Variants in GBE1 observed in about 807,000 individuals in gnomAD.
The protein encoded by GBE1 is 1,4-alpha-glucan branching enzyme 1, also known as 1,4-alpha-glucan-branching enzyme.
A neutral mutation model predicts 88.8 loss-of-function variants in GBE1; 70 were observed. The ratio of observed to expected loss-of-function variants is 0.79; its 90% CI spans 0.65 to 0.96. The LOEUF (loss-of-function observed/expected upper bound fraction) is 0.96, where lower values mean the gene tolerates loss of function less well. GBE1 is among the 40% of genes least tolerant of loss of function. The pLI is 0.00. For synonymous variants in GBE1, 284 were observed against 300.1 expected, an observed-to-expected ratio of 0.95 and a Z score of 0.56; for missense variants, 872 against 871.0, an observed-to-expected ratio of 1.00 and a Z score of -0.01.
At chr3:81,509,898 T>C (rs1702702323) in intron 14 of GBE1, among the ~76,000 whole-genome samples, 2 of 152,010 alleles carry the variant, frequency 1.3e-5, no homozygotes, top group African/African-American at 2.4e-5. Flanking sequence ...ATATTTATAA[T>C]ATAAAAATCC....
At chr3:81,577,082 G>A (rs1262259903) in intron 12 of GBE1, among the ~76,000 whole-genome samples, 2 of 151,880 alleles carry the variant, frequency 1.3e-5, no homozygotes, top group Non-Finnish European at 2.9e-5. Flanking sequence ...TAGGGTACAG[G>A]CACGCACCAC....
At chr3:81,601,487 G>A (rs1045702388) in intron 7 of GBE1, among the ~76,000 whole-genome samples, 12 of 151,958 alleles carry the variant, frequency 7.9e-5, no homozygotes, top group African/African-American at 2.7e-4. Context: ...TTTAATATGT[G>A]GTCATACTAG....
At chr3:81,708,440 C>G (rs1325739889) in intron 1 of GBE1, among the ~76,000 whole-genome samples, 1 of 152,032 alleles carries the variant, frequency 6.6e-6, no homozygotes, top group African/African-American at 2.4e-5. Context: ...TGATCAAACT[C>G]ATATATAACT....
At chr3:81,612,675 T>C in intron 7 of GBE1, 3 of 541,324 alleles carry the variant, frequency 5.5e-6, no homozygotes, top group South Asian at 4.4e-5. Flanking sequence ...TCACATTAAG[T>C]CTATTTCATT....
At chr3:81,685,207 G>A (rs899224728) in intron 2 of GBE1, among the ~76,000 whole-genome samples, 7 of 152,000 alleles carry the variant, frequency 4.6e-5, no homozygotes, top group East Asian at 1.9e-4. Flanking sequence ...CAGAGAAAAC[G>A]GGAGCCAGCA....
At chr3:81,686,582 C>A (rs12637814) in intron 2 of GBE1, among the ~76,000 whole-genome samples, 46,097 of 151,742 alleles carry the variant, frequency 0.3, 7,155 homozygotes, top group East Asian at 0.45. Context: ...CACGGAGAAA[C>A]CCCATCTCTC....
At chr3:81,651,969 C>G (rs1211131829) in intron 3 of GBE1, among the ~76,000 whole-genome samples, 1 of 152,320 alleles carries the variant, frequency 6.6e-6, no homozygotes. Context: ...TTGAAAGGAA[C>G]AATACCTGCA....
chr3:81,708,115 T>C (rs1295076299), intron 1 of GBE1, among the ~76,000 whole-genome samples: 1 of 152,008 alleles, frequency 6.6e-6, no homozygotes, highest in Non-Finnish European at 1.5e-5. Flanking sequence ...ACTGAGTATG[T>C]AAAACTAGGT....
chr3:81,512,998 G>C lies in GBE1; in HGVS notation c.1935-13771C>G, dbSNP rs180782114. Among the ~76,000 whole-genome samples the C allele has an allele frequency of 2.6e-5, 4 of 151,658 alleles. No individual in the cohort carries two copies. The East Asian group carries it at 7.8e-4, about 29-fold the overall frequency. ...GAATGGGCTGAGCTAGGTTATACTA[G>C]AGTTTTTCAGTTTCAAAAATTTATA... On this transcript the variant is annotated intron_variant, in intron 14 of 15. Coordinates refer to ENST00000429644, the MANE Select transcript of GBE1 (RefSeq NM_000158.4).
At chr3:81,717,666 TC>T (rs1705958482) in intron 1 of GBE1, among the ~76,000 whole-genome samples, 1 of 152,120 alleles carries the variant, frequency 6.6e-6, no homozygotes, top group African/African-American at 2.4e-5. Context: ...AAGATGAATA[TC>T]CAAAGTTTTA....
chr3:81,558,707 G>A (rs1182705997), intron 12 of GBE1, among the ~76,000 whole-genome samples: 1 of 152,066 alleles, frequency 6.6e-6, no homozygotes. Flanking sequence ...TATATTAAAT[G>A]TTAATGTGTA....
intron 2 of GBE1, among the ~76,000 whole-genome samples, chr3:81,703,605 T>C (rs979659683): frequency 6.6e-5 from 10 of 152,176 alleles, no homozygotes; most frequent in African/African-American, 2.4e-4. Flanking sequence ...CTCTTAATTT[T>C]GTTTGGAAAA....
intron 7 of GBE1, among the ~76,000 whole-genome samples, chr3:81,621,918 C>T (rs1237638892): frequency 6.6e-6 from 1 of 152,138 alleles, no homozygotes; most frequent in Non-Finnish European, 1.5e-5. Context: ...ATCAAATCTA[C>T]CTCTTTCCCT....
At chr3:81,641,245 C>A (rs566582131) in intron 7 of GBE1, among the ~76,000 whole-genome samples, 5 of 151,958 alleles carry the variant, frequency 3.3e-5, no homozygotes, top group Admixed American at 2.6e-4. Context: ...AGAGTCAACC[C>A]TCCTTCATCC....
chr3:81,717,189 A>G (rs1414869018), intron 1 of GBE1, among the ~76,000 whole-genome samples: 2 of 152,168 alleles, frequency 1.3e-5, no homozygotes, highest in Non-Finnish European at 2.9e-5. Context: ...GTCTTAGTCT[A>G]CTGATTTCTA....
chr3:81,567,565 C>T (rs1559647414), intron 12 of GBE1, among the ~76,000 whole-genome samples: 2 of 152,212 alleles, frequency 1.3e-5, no homozygotes, highest in Admixed American at 1.3e-4. Context: ...CTGACTCTAG[C>T]CTTATTTGTC....
At chr3:81,511,657 T>A (rs891118770) in intron 14 of GBE1, among the ~76,000 whole-genome samples, 1 of 151,748 alleles carries the variant, frequency 6.6e-6, no homozygotes, top group African/African-American at 2.4e-5. Flanking sequence ...CCAGACACAA[T>A]GGCTATTATT....
chr3:81,612,419 T>C, intron 7 of GBE1: 1 of 889,688 alleles, frequency 1.1e-6, no homozygotes, highest in Non-Finnish European at 1.8e-6. Context: ...ATTTTCAAAG[T>C]AAGGATTTTC....
At chr3:81,676,213 G>T (rs1302434847) in intron 2 of GBE1, among the ~76,000 whole-genome samples, 2 of 151,980 alleles carry the variant, frequency 1.3e-5, no homozygotes, top group Non-Finnish European at 2.9e-5. Flanking sequence ...TCAAACTTTT[G>T]AGTATGTGGG....
Sources: gnomAD v4.1 joint callset for allele counts (sites outside exome capture counted in the v4.1 genomes callset) on GRCh38, gnomAD v4.1.1 for gene constraint, MANE v1.5 for transcripts, NCBI Gene and HGNC (gene_info 2026-07-23, HGNC 2026-07-21) for gene names.